The following ARL15 variants were observed in gnomAD, a reference collection of about 807,000 sequenced individuals.
ARL15 encodes the protein ADP-ribosylation factor-like protein 15.
Under a neutral mutation model 25.2 loss-of-function variants are expected in ARL15, and 19 were observed. The ratio of observed to expected loss-of-function variants is 0.75; its 90% CI spans 0.53 to 1.10. The LOEUF is 1.10. Among genes scored for constraint, ARL15 ranks in the 50% least tolerant of loss-of-function variants. ARL15 has a pLI of 0.00. For synonymous variants in ARL15, 94 were observed against 86.8 expected (o/e 1.08, Z -0.46); for missense variants, 220 against 246.0 (o/e 0.89, Z 0.71).
intron 4 of ARL15, among the ~76,000 whole-genome samples, chr5:54,070,466 GT>G (rs1751384542): frequency 1.3e-5 from 2 of 152,092 alleles, no homozygotes; most frequent in Non-Finnish European, 2.9e-5. Flanking sequence ...TCGGGACTCT[GT>G]AAAGAGTCCC....
intron 1 of ARL15, among the ~76,000 whole-genome samples, chr5:54,199,389 A>T (rs1755648517): frequency 1.3e-5 from 2 of 151,730 alleles, no homozygotes; most frequent in African/African-American, 4.9e-5. Flanking sequence ...AATTTTCGCA[A>T]CCTACTCATC....
intron 4 of ARL15, among the ~76,000 whole-genome samples, chr5:53,965,671 G>T (rs1747533588): frequency 6.7e-6 from 1 of 149,800 alleles, no homozygotes; most frequent in Admixed American, 6.7e-5. Context: ...CTTGCTCACT[G>T]TTGGTCTGTC....
chr5:54,106,405 G>T (rs2112195983), intron 4 of ARL15, among the ~76,000 whole-genome samples: 3 of 152,228 alleles, frequency 2.0e-5, no homozygotes. Flanking sequence ...AGATTCGGAG[G>T]TAGTCACTCT....
chr5:53,975,576 G>A (rs1224720111), intron 4 of ARL15, among the ~76,000 whole-genome samples: 1 of 152,196 alleles, frequency 6.6e-6, no homozygotes, highest in African/African-American at 2.4e-5. Flanking sequence ...TCCCTCTCTT[G>A]GCAATACTTG....
At chr5:54,077,706 G>A (rs1421393907) in intron 4 of ARL15, among the ~76,000 whole-genome samples, 1 of 152,152 alleles carries the variant, frequency 6.6e-6, no homozygotes, top group South Asian at 2.1e-4. Flanking sequence ...GGTAAGTCGC[G>A]TCAGTCTCTT....
chr5:53,945,776 T>C (rs1746705174), intron 4 of ARL15, among the ~76,000 whole-genome samples: 1 of 152,204 alleles, frequency 6.6e-6, no homozygotes, highest in Non-Finnish European at 1.5e-5. Context: ...TCAAGTAAAT[T>C]TATGTTAAAG....
intron 4 of ARL15, among the ~76,000 whole-genome samples, chr5:53,925,903 G>T (rs539877433): frequency 6.6e-6 from 1 of 151,374 alleles, no homozygotes; most frequent in African/African-American, 2.4e-5. Context: ...AATATGTATC[G>T]TAAACATAGG....
At chr5:54,076,480 G>A in intron 4 of ARL15, among the ~76,000 whole-genome samples, 1 of 151,614 alleles carries the variant, frequency 6.6e-6, no homozygotes. Context: ...GCAGTAATTT[G>A]ATGAAAAATT....
Position 54,214,290 on chromosome 5 carries a change from T to C in ARL15, c.49-42362A>G, listed in dbSNP as rs995462718. ...ATAAGAGATATCTTTCCAGTAAAAATTCTGCAAAGATTCTGCCCTGTACTA... is the reference window on the plus strand; with the variant it reads ...ATAAGAGATATCTTTCCAGTAAAAACTCTGCAAAGATTCTGCCCTGTACTA... On this transcript the variant is annotated intron_variant, in intron 1 of 4. Transcript: ENST00000504924. Among the ~76,000 whole-genome samples the C allele has an allele frequency of 2.6e-5, 4 of 152,162 alleles. No individual in the cohort carries two copies. The East Asian group carries it at 7.7e-4, about 29-fold the overall frequency.
At chr5:54,164,314 A>G (rs1754504823) in intron 2 of ARL15, among the ~76,000 whole-genome samples, 1 of 151,988 alleles carries the variant, frequency 6.6e-6, no homozygotes, top group Non-Finnish European at 1.5e-5. Context: ...CAAATATTCT[A>G]TGTGTACTTG....
intron 4 of ARL15, among the ~76,000 whole-genome samples, chr5:54,005,017 G>GTTA (rs1056870962): frequency 6.9e-6 from 1 of 145,376 alleles, no homozygotes; most frequent in African/African-American, 2.6e-5. Context: ...TTGAATAATA[G>GTTA]TTATTATTAT....
At chr5:54,054,502 A>G (rs1750798030) in intron 4 of ARL15, among the ~76,000 whole-genome samples, 1 of 152,356 alleles carries the variant, frequency 6.6e-6, no homozygotes, top group Non-Finnish European at 1.5e-5. Context: ...TAGAGAAACA[A>G]TACTAGAGCT....
intron 1 of ARL15, chr5:54,307,922 G>A (rs1232390273): frequency 1.3e-5 from 2 of 152,110 alleles, no homozygotes; most frequent in Non-Finnish European, 2.9e-5. Flanking sequence ...AGTCAAACTT[G>A]GAATGAAAGG....
intron 1 of ARL15, among the ~76,000 whole-genome samples, chr5:54,223,202 C>A (rs1430621519): frequency 1.3e-5 from 2 of 151,568 alleles, no homozygotes; most frequent in Non-Finnish European, 2.9e-5. Flanking sequence ...CTAAACCATC[C>A]TCCCACCATG....
chr5:54,045,108 T>G (rs1438025010), intron 4 of ARL15, among the ~76,000 whole-genome samples: 1 of 152,140 alleles, frequency 6.6e-6, no homozygotes, highest in East Asian at 1.9e-4. Flanking sequence ...ACAGTCGAAA[T>G]GTGGTTCACT....
chr5:54,094,951 C>T (rs1168484007), intron 4 of ARL15, among the ~76,000 whole-genome samples: 3 of 152,218 alleles, frequency 2.0e-5, no homozygotes, highest in Non-Finnish European at 2.9e-5. Flanking sequence ...ATATCAACTA[C>T]TTCTGACATA....
intron 4 of ARL15, among the ~76,000 whole-genome samples, chr5:54,080,003 A>G (rs1272849843): frequency 7.2e-6 from 1 of 139,584 alleles, no homozygotes; most frequent in Non-Finnish European, 1.6e-5. Flanking sequence ...ACACACACAC[A>G]CACACACACA....
chr5:53,956,937 T>C (rs1747179407), intron 4 of ARL15, among the ~76,000 whole-genome samples: 1 of 151,078 alleles, frequency 6.6e-6, no homozygotes, highest in Admixed American at 6.6e-5. Context: ...TGAAGAAAAA[T>C]GATCAGAGCC....
chr5:54,178,808 A>G (rs1754963538), intron 1 of ARL15, among the ~76,000 whole-genome samples: 1 of 152,222 alleles, frequency 6.6e-6, no homozygotes, highest in African/African-American at 2.4e-5. Context: ...CAGGTCTGTA[A>G]CAGTCAGTTA....
Sources: gnomAD v4.1 joint callset for allele counts (sites outside exome capture counted in the v4.1 genomes callset) on GRCh38, gnomAD v4.1.1 for gene constraint, MANE v1.5 for transcripts, NCBI Gene and HGNC (gene_info 2026-07-23, HGNC 2026-07-21) for gene names.